NRG3: variants seen among roughly 807,000 people sequenced by gnomAD.
NRG3 encodes the protein pro-neuregulin-3, membrane-bound isoform.
In NRG3, 31 loss-of-function variants were observed where a neutral mutation model predicts 66.9. The observed-to-expected ratio is 0.46, with a 90% CI of 0.35 to 0.63. NRG3 has a LOEUF of 0.63. Ranked by LOEUF, NRG3 falls within the 20% of genes least tolerant of loss-of-function variation. The probability of loss-of-function intolerance (pLI) is 0.00; values close to 1 mark genes in which losing one functional copy is unlikely to be tolerated. For missense variants in NRG3, 910 were observed against 878.9 expected (o/e 1.04, Z -0.45); for synonymous variants, 393 against 359.4 (o/e 1.09, Z -1.06).
intron 2 of NRG3, among the ~76,000 whole-genome samples, chr10:82,426,972 A>G (rs1003515725): frequency 6.6e-6 from 1 of 151,774 alleles, no homozygotes; most frequent in Non-Finnish European, 1.5e-5. Flanking sequence ...TCTTAATTTC[A>G]TTTTCAGATT....
intron 2 of NRG3, among the ~76,000 whole-genome samples, chr10:82,731,864 T>G (rs1022517022): frequency 2.0e-5 from 3 of 152,180 alleles, no homozygotes; most frequent in Non-Finnish European, 2.9e-5. Context: ...TGTTCCATAA[T>G]GGCTTTACTA....
At chr10:82,047,442 T>C (rs2063354248) in intron 1 of NRG3, among the ~76,000 whole-genome samples, 1 of 151,956 alleles carries the variant, frequency 6.6e-6, no homozygotes, top group Non-Finnish European at 1.5e-5. Flanking sequence ...TGGGGGACAA[T>C]ATTCAACATT....
intron 2 of NRG3, among the ~76,000 whole-genome samples, chr10:82,368,382 G>C (rs1440917190): frequency 7.2e-6 from 1 of 138,790 alleles, no homozygotes; most frequent in Non-Finnish European, 1.5e-5. Context: ...AATAATACCA[G>C]ATCGTGCACA....
At position 82,462,218 on chromosome 10, in the gene NRG3, T is replaced by C. The variant is rs143194627; in HGVS notation, c.953+103350T>C. Among the ~76,000 whole-genome samples the C allele has an allele frequency of 5.2e-3, 790 of 152,158 alleles. 7 individuals carry two copies. The highest frequency in any genetic ancestry group is 0.015 in the African/African-American group (619 of 41,538). On this transcript the variant is annotated intron_variant, in intron 2 of 8. Coordinates refer to ENST00000372141, the MANE Select transcript of NRG3 (RefSeq NM_001010848.4). ...CTGTCCTTAGAGGTTGATTTGGAAA[T>C]GAAGAAAAGAAAAGTGTGAGACTTT...
chr10:82,856,165 CA>C (rs1235510037), intron 3 of NRG3, among the ~76,000 whole-genome samples: 1 of 152,100 alleles, frequency 6.6e-6, no homozygotes, highest in East Asian at 1.9e-4. Flanking sequence ...CTCTGAAAGA[CA>C]TATAGATGTC....
intron 1 of NRG3, among the ~76,000 whole-genome samples, chr10:82,318,487 CA>C (rs1245768720): frequency 6.6e-6 from 1 of 152,120 alleles, no homozygotes; most frequent in African/African-American, 2.4e-5. Flanking sequence ...ATTTATAATC[CA>C]AACTCAACAG....
intron 1 of NRG3, among the ~76,000 whole-genome samples, chr10:82,030,215 A>G (rs1368860073): frequency 6.6e-6 from 1 of 152,072 alleles, no homozygotes; most frequent in African/African-American, 2.4e-5. Context: ...GAGAAATATC[A>G]GGAGAGATTC....
At chr10:82,037,673 C>T (rs544664992) in intron 1 of NRG3, among the ~76,000 whole-genome samples, 1 of 152,214 alleles carries the variant, frequency 6.6e-6, no homozygotes, top group Admixed American at 6.5e-5. Flanking sequence ...AGGCCTTATT[C>T]CAACTTCAGG....
chr10:82,921,924 A>G (rs532489561), intron 4 of NRG3, among the ~76,000 whole-genome samples: 1 of 152,250 alleles, frequency 6.6e-6, no homozygotes, highest in Admixed American at 6.5e-5. Context: ...GGAAAGTAGC[A>G]ACTGTTTTTG....
chr10:82,070,687 G>T (rs2064755792), intron 1 of NRG3, among the ~76,000 whole-genome samples: 1 of 152,106 alleles, frequency 6.6e-6, no homozygotes, highest in Non-Finnish European at 1.5e-5. Flanking sequence ...AACGAACAAA[G>T]GATATGACTA....
intron 1 of NRG3, among the ~76,000 whole-genome samples, chr10:82,062,169 T>G (rs1440560235): frequency 6.6e-6 from 1 of 151,784 alleles, no homozygotes; most frequent in African/African-American, 2.4e-5. Context: ...ATCTCTAGAG[T>G]GTTCTTTCCC....
chr10:82,215,615 A>G (rs1309349272), intron 1 of NRG3, among the ~76,000 whole-genome samples: 5 of 152,214 alleles, frequency 3.3e-5, no homozygotes, highest in Non-Finnish European at 7.3e-5. Context: ...TGAATAAATT[A>G]TGCAATCGAT....
intron 1 of NRG3, among the ~76,000 whole-genome samples, chr10:82,140,738 A>G (rs1038127956): frequency 4.6e-5 from 7 of 152,118 alleles, no homozygotes; most frequent in African/African-American, 1.7e-4. Context: ...TCAAAAAAAT[A>G]AAAATAAAAA....
chr10:82,700,645 T>A (rs1021097149), intron 2 of NRG3, among the ~76,000 whole-genome samples: 2 of 152,136 alleles, frequency 1.3e-5, no homozygotes, highest in African/African-American at 4.8e-5. Flanking sequence ...TTCTTTTTTT[T>A]AAAACCATCT....
intron 2 of NRG3, among the ~76,000 whole-genome samples, chr10:82,470,685 T>C (rs1448153535): frequency 6.6e-6 from 1 of 152,192 alleles, no homozygotes; most frequent in Non-Finnish European, 1.5e-5. Flanking sequence ...CAAACCTCAG[T>C]GTCCTCTGGC....
chr10:82,048,399 C>G (rs1402141507), intron 1 of NRG3, among the ~76,000 whole-genome samples: 1 of 152,138 alleles, frequency 6.6e-6, no homozygotes, highest in Non-Finnish European at 1.5e-5. Context: ...AACAAACTGT[C>G]TCTCAGACCA....
intron 1 of NRG3, among the ~76,000 whole-genome samples, chr10:82,180,773 G>A (rs2073363521): frequency 6.6e-6 from 1 of 151,706 alleles, no homozygotes; most frequent in Non-Finnish European, 1.5e-5. Context: ...GTTTGGAGGG[G>A]GCCCCTCAAC....
chr10:82,658,695 A>G (rs1490985685), intron 2 of NRG3, among the ~76,000 whole-genome samples: 1 of 152,190 alleles, frequency 6.6e-6, no homozygotes, highest in East Asian at 1.9e-4. Flanking sequence ...GAGAGATTAA[A>G]TAGGAATAGT....
chr10:82,168,748 A>C (rs2072313043), intron 1 of NRG3, among the ~76,000 whole-genome samples: 1 of 152,220 alleles, frequency 6.6e-6, no homozygotes, highest in South Asian at 2.1e-4. Context: ...TTGTTTCTTA[A>C]CCAGATTCAC....
Sources: gnomAD v4.1 joint callset for allele counts (sites outside exome capture counted in the v4.1 genomes callset) on GRCh38, gnomAD v4.1.1 for gene constraint, MANE v1.5 for transcripts, NCBI Gene and HGNC (gene_info 2026-07-23, HGNC 2026-07-21) for gene names.